SHOC2: variants seen among roughly 807,000 people sequenced by gnomAD.
SHOC2 encodes SHOC2 leucine rich repeat scaffold protein, also known as leucine-rich repeat protein SHOC-2.
A neutral mutation model predicts 50.2 loss-of-function variants in SHOC2; 4 were observed. The observed-to-expected ratio is 0.08, with a 90% CI of 0.04 to 0.18. SHOC2 has a LOEUF of 0.18. Among genes scored for constraint, SHOC2 ranks in the 10% least tolerant of loss-of-function variants. The probability of loss-of-function intolerance (pLI) is 1.00; values close to 1 mark genes in which losing one functional copy is unlikely to be tolerated. For synonymous variants in SHOC2, 218 were observed against 244.5 expected, an observed-to-expected ratio of 0.89 and a Z score of 1.01; for missense variants, 388 against 669.6, an observed-to-expected ratio of 0.58 and a Z score of 4.64.
rs1226932309 is a variant in SHOC2 at position 110,964,410 on chromosome 10, G to A, written c.52G>A (p.Val18Ile). ...EKDSKEKDPK[V>I]PSAKEREKEA... ...AGACTCTAAAGAAAAAGATCCCAAA[G>A]TACCATCAGCCAAGGAAAGAGAAAA... The change falls in exon 2 of 9, where the codon GTA (valine) becomes ATA (isoleucine). Residue 18 changes from valine (V) to isoleucine (I), a missense_variant. Val to Ile is a conservative substitution (Grantham distance 29). This residue lies in a region of SHOC2 where 121 missense variants were observed against 145.5 expected (regional missense o/e 0.83). Transcript: ENST00000369452. This position sits in a 1 kb window ranked among gnomAD's most constrained non-coding sequence, Gnocchi z 4.9. 5.6e-6 allele frequency: 9 copies of A among 1,613,082 alleles called. No homozygotes were observed. Among genetic ancestry groups the A allele is most frequent in the East Asian group, 2.2e-5 (1 of 44,894 alleles).
Position 110,965,103 on chromosome 10 carries a change from G to A in SHOC2, c.703+42G>A, listed in dbSNP as rs754564898. ...TATTATTATTTGTAGTATTTGTTAT[G>A]CTAAATAATTTTGAGTGCTTTCTCA... On this transcript the variant is annotated intron_variant, in intron 2 of 8. Coordinates refer to ENST00000369452, the MANE Select transcript of SHOC2 (RefSeq NM_007373.4). 7 of 1,560,482 alleles carry A rather than the reference G, an allele frequency of 4.5e-6. No individual in the cohort carries two copies. The East Asian group carries it at 1.6e-4, about 36-fold the overall frequency.
intron 1 of SHOC2, among the ~76,000 whole-genome samples, chr10:110,944,111 T>C (rs1354282015): frequency 6.6e-6 from 1 of 152,214 alleles, no homozygotes; most frequent in Non-Finnish European, 1.5e-5. Context: ...AAAACATACC[T>C]TGGAAAATTT....
intron 7 of SHOC2, 148 bp from the exon 8 acceptor site, chr10:111,009,565 A>G: frequency 2.5e-6 from 2 of 798,854 alleles, no homozygotes; most frequent in Admixed American, 2.4e-5. Context: ...GTATTTTGTG[A>G]AAGAAAAATA....
chr10:110,937,260 T>C (rs754210824), intron 1 of SHOC2: 1 of 194,988 alleles, frequency 5.1e-6, no homozygotes, highest in Admixed American at 6.4e-5. Flanking sequence ...GGAAAGCTGC[T>C]TTTTTTTTTT....
chr10:110,955,939 TA>T (rs1259429966), intron 1 of SHOC2, among the ~76,000 whole-genome samples: 1 of 152,200 alleles, frequency 6.6e-6, no homozygotes, highest in Admixed American at 6.5e-5. Context: ...TTAGATAATT[TA>T]AAGGTCATTG....
At chr10:110,991,973 A>C (rs1848193724) in intron 3 of SHOC2, among the ~76,000 whole-genome samples, 1 of 152,220 alleles carries the variant, frequency 6.6e-6, no homozygotes, top group African/African-American at 2.4e-5. Flanking sequence ...TTTTCCTTGG[A>C]CTAAAGAATC....
Position 111,004,487 on chromosome 10 carries a change from GTC to G in SHOC2, c.973-115_973-114del. ...GAAGTGTCACAGACTGCCCCAACCA[GTC>G]TCTGTCATTTGTCACCCCCCAAAGC... On this transcript the variant is annotated intron_variant, in intron 4 of 8. Coordinates refer to ENST00000369452, the MANE Select transcript of SHOC2 (RefSeq NM_007373.4). 6.9e-6 allele frequency: 5 copies of G among 725,510 alleles called. No homozygotes were observed. The South Asian group carries it at 7.9e-5, about 11-fold the overall frequency. 44.9% of individuals were successfully genotyped at this position (725,510 alleles called of 1,614,324 possible).
intron 1 of SHOC2, among the ~76,000 whole-genome samples, chr10:110,924,120 A>G (rs548859664): frequency 1.1e-3 from 169 of 152,234 alleles, no homozygotes; most frequent in Non-Finnish European, 1.5e-3. Context: ...ATTTTGTTCT[A>G]TAAATATTTC....
chr10:110,940,157 T>G (rs747438584), intron 1 of SHOC2, among the ~76,000 whole-genome samples: 17 of 152,210 alleles, frequency 1.1e-4, no homozygotes, highest in African/African-American at 2.2e-4. Context: ...GAAAAATTTT[T>G]TTTTGAGATA....
intron 1 of SHOC2, among the ~76,000 whole-genome samples, chr10:110,930,558 A>G (rs911389758): frequency 6.6e-6 from 1 of 152,058 alleles, no homozygotes; most frequent in African/African-American, 2.4e-5. Flanking sequence ...TAGTGTATGT[A>G]GCAGTTATAT....
At chr10:110,966,005 G>C (rs1847667820) in intron 2 of SHOC2, among the ~76,000 whole-genome samples, 1 of 151,968 alleles carries the variant, frequency 6.6e-6, no homozygotes, top group African/African-American at 2.4e-5. Context: ...TTTATTCTGA[G>C]AAAAATAAAG....
intron 1 of SHOC2, among the ~76,000 whole-genome samples, chr10:110,924,382 G>A (rs1315355286): frequency 1.3e-5 from 2 of 152,194 alleles, no homozygotes; most frequent in Non-Finnish European, 2.9e-5. Context: ...ATGCCTACTG[G>A]AGGACAGGAC....
chr10:110,985,606 T>A (rs1431743229), intron 2 of SHOC2, 22 bp from the exon 3 acceptor site: 1 of 1,588,180 alleles, frequency 6.3e-7, no homozygotes, highest in Non-Finnish European at 8.6e-7. Flanking sequence ...CTTATTGAAT[T>A]TTTATGTTGG....
At chr10:111,009,918 TG>T (rs1848537524) in intron 8 of SHOC2, 88 bp downstream of exon 8, 2 of 823,508 alleles carry the variant, frequency 2.4e-6, no homozygotes, top group Non-Finnish European at 4.2e-6. Flanking sequence ...ACAAATCTAT[TG>T]TTTTTTAAAC....
intron 2 of SHOC2, among the ~76,000 whole-genome samples, chr10:110,975,231 C>T (rs1212834201): frequency 1.3e-5 from 2 of 151,626 alleles, no homozygotes; most frequent in African/African-American, 4.9e-5. Flanking sequence ...TCTTGGCTCA[C>T]TGCAAGCTCC....
intron 4 of SHOC2, among the ~76,000 whole-genome samples, chr10:111,004,241 G>A (rs1174672862): frequency 6.6e-6 from 1 of 152,194 alleles, no homozygotes; most frequent in Non-Finnish European, 1.5e-5. Flanking sequence ...TGACACTAAA[G>A]TTTCTGCAAT....
intron 1 of SHOC2, among the ~76,000 whole-genome samples, chr10:110,921,033 GT>G (rs1846635907): frequency 6.6e-6 from 1 of 152,200 alleles, no homozygotes; most frequent in Non-Finnish European, 1.5e-5. Context: ...CTGAAAAATA[GT>G]TTTAATTTTA....
chr10:110,933,405 GTAAA>G (rs1846933256), intron 1 of SHOC2, among the ~76,000 whole-genome samples: 1 of 152,030 alleles, frequency 6.6e-6, no homozygotes, highest in Admixed American at 6.5e-5. Context: ...AAAATTAACA[GTAAA>G]TACTTATGTT....
chr10:111,009,642 A>T, intron 7 of SHOC2, 71 bp from the exon 8 acceptor site: 1 of 950,800 alleles, frequency 1.1e-6, no homozygotes, highest in East Asian at 2.6e-5. Flanking sequence ...TTGTTTAGAC[A>T]TATTATTTTC....
Sources: allele counts gnomAD v4.1 joint callset (sites outside exome capture counted in the v4.1 genomes callset), GRCh38; gene constraint gnomAD v4.1.1; regional missense constraint gnomAD v4.1.1; non-coding constraint Gnocchi (gnomAD v3.1); transcripts MANE v1.5; gene names NCBI Gene and HGNC (gene_info 2026-07-23, HGNC 2026-07-21).